Variants in EXOC6B observed in about 807,000 individuals in gnomAD.
EXOC6B encodes exocyst complex component 6B.
EXOC6B carries 54 observed loss-of-function variants against 113.5 expected under a neutral mutation model. The ratio of observed to expected loss-of-function variants is 0.48; its 90% CI spans 0.38 to 0.60. The LOEUF is 0.60. EXOC6B is among the 20% of genes least tolerant of loss of function. The pLI is 0.00. For missense variants in EXOC6B, 797 were observed against 977.5 expected (o/e 0.82, Z 2.46); for synonymous variants, 357 against 339.0 (o/e 1.05, Z -0.58).
chr2:72,582,188 A>C (rs935367771), intron 6 of EXOC6B, among the ~76,000 whole-genome samples: 13 of 152,232 alleles, frequency 8.5e-5, no homozygotes, highest in African/African-American at 2.2e-4. Flanking sequence ...GGCAAAAAAT[A>C]AAAATTTAAA....
At chr2:72,524,637 T>C (rs1445913332) in intron 8 of EXOC6B, among the ~76,000 whole-genome samples, 1 of 152,202 alleles carries the variant, frequency 6.6e-6, no homozygotes, top group African/African-American at 2.4e-5. Flanking sequence ...TGCAACTCAA[T>C]GAATAAATGC....
intron 11 of EXOC6B, among the ~76,000 whole-genome samples, chr2:72,512,202 T>G (rs1700940965): frequency 6.6e-6 from 1 of 152,074 alleles, no homozygotes. Context: ...TCTTGTTACA[T>G]GTTTATTGGA....
Position 72,368,326 on chromosome 2 carries a change from T to A in EXOC6B, c.2122+11403A>T, listed in dbSNP as rs187718555. Among the ~76,000 whole-genome samples, 31 of 152,238 alleles carry A rather than the reference T, an allele frequency of 2.0e-4. 1 individual carries two copies. Among genetic ancestry groups the A allele is most frequent in the Middle Eastern group, 3.4e-3 (1 of 294 alleles). On this transcript the variant is annotated intron_variant, in intron 19 of 21. Transcript: ENST00000272427. ...AAGACTAAACCAGGAAGAAGTTGAA[T>A]CTCTGAATAGACCAATAACAGGCTC...
chr2:72,221,621 T>C (rs1680873342), intron 20 of EXOC6B, among the ~76,000 whole-genome samples: 1 of 152,206 alleles, frequency 6.6e-6, no homozygotes, highest in African/African-American at 2.4e-5. Context: ...CCCTAAACTG[T>C]AAACTCCATG....
chr2:72,499,888 A>G lies in EXOC6B; in HGVS notation c.1239+13T>C. 1 of 1,532,754 alleles carries G rather than the reference A, an allele frequency of 6.5e-7. No individual in the cohort carries two copies. The highest frequency in any genetic ancestry group is 8.9e-7 in the Non-Finnish European group (1 of 1,129,266). The allele number at this position is 1,532,754 out of a possible 1,614,324, so 94.9% of individuals were successfully genotyped here. ...CCAATCTAGATGAGCATATGTAAACAGAAATCACATACCTGAAGTGTGTCA... is the reference window on the plus strand; with the variant it reads ...CCAATCTAGATGAGCATATGTAAACGGAAATCACATACCTGAAGTGTGTCA... On this transcript the variant is annotated intron_variant, in intron 12 of 21. Transcript: ENST00000272427.
intron 7 of EXOC6B, among the ~76,000 whole-genome samples, chr2:72,569,870 T>C (rs2103781162): frequency 6.6e-6 from 1 of 152,266 alleles, no homozygotes. Context: ...ATTTCATAGG[T>C]AAGAAAAGGG....
intron 11 of EXOC6B, 129 bp downstream of exon 11, chr2:72,513,003 T>C: frequency 9.0e-7 from 1 of 1,106,306 alleles, no homozygotes; most frequent in Non-Finnish European, 1.3e-6. Flanking sequence ...CTTCTATGTC[T>C]TTGAAGGACA....
At chr2:72,351,285 C>T (rs189829231) in intron 19 of EXOC6B, among the ~76,000 whole-genome samples, 12 of 152,262 alleles carry the variant, frequency 7.9e-5, no homozygotes, top group Admixed American at 1.3e-4. Flanking sequence ...TTTGTGGTCC[C>T]ATTATATGTT....
rs1400850889 is a variant in EXOC6B at position 72,178,631 on chromosome 2, A to G, written c.*704T>C. ...ACTCAACACTCCTAGAGCTGGGGCA[A>G]TATGCAGTTAAACATGGGATCCAAT... On this transcript the variant is annotated 3_prime_UTR_variant, in exon 22 of 22. Transcript: ENST00000272427. 6.6e-6 allele frequency: 1 copy of G among 152,232 alleles called. No homozygotes were observed. The highest frequency in any genetic ancestry group is 1.5e-5 in the Non-Finnish European group (1 of 68,044). 9.4% of individuals were successfully genotyped at this position (152,232 alleles called of 1,614,324 possible). A position where few individuals can be genotyped will look rare whatever the true frequency, so the allele number is the denominator to read the frequency against.
intron 21 of EXOC6B, among the ~76,000 whole-genome samples, chr2:72,180,854 A>G (rs1678035192): frequency 6.6e-6 from 1 of 152,166 alleles, no homozygotes; most frequent in Non-Finnish European, 1.5e-5. Context: ...ATATGGCAAA[A>G]AGGTTCTAAT....
intron 16 of EXOC6B, among the ~76,000 whole-genome samples, chr2:72,490,439 T>C (rs1236937446): frequency 6.6e-6 from 1 of 152,132 alleles, no homozygotes; most frequent in Non-Finnish European, 1.5e-5. Flanking sequence ...ATGATGATGA[T>C]TCCAGATGTG....
intron 1 of EXOC6B, among the ~76,000 whole-genome samples, chr2:72,749,569 A>T (rs1292561954): frequency 6.6e-6 from 1 of 152,068 alleles, no homozygotes; most frequent in African/African-American, 2.4e-5. Flanking sequence ...AAAAAATCAC[A>T]AAACTGCAAT....
chr2:72,595,377 A>G (rs1670014943), intron 6 of EXOC6B, among the ~76,000 whole-genome samples: 1 of 148,800 alleles, frequency 6.7e-6, no homozygotes, highest in Non-Finnish European at 1.5e-5. Flanking sequence ...CTAATAATAT[A>G]ATTTTAAAAA....
chr2:72,704,364 A>G (rs936082406), intron 6 of EXOC6B, among the ~76,000 whole-genome samples: 2 of 151,204 alleles, frequency 1.3e-5, no homozygotes, highest in East Asian at 3.9e-4. Flanking sequence ...AAATGCCCAC[A>G]AGAGGAAGCA....
intron 1 of EXOC6B, among the ~76,000 whole-genome samples, chr2:72,782,203 C>T (rs1684090504): frequency 6.6e-6 from 1 of 150,658 alleles, no homozygotes; most frequent in Non-Finnish European, 1.5e-5. Context: ...AACAACATCA[C>T]AAAGTATATT....
rs140784029 is a variant in EXOC6B, at chr2:72,424,699, T to C, written c.1980+40461A>G. On this transcript the variant is annotated intron_variant, in intron 18 of 21. Coordinates refer to ENST00000272427, the MANE Select transcript of EXOC6B (RefSeq NM_015189.3). ...AGTATGACGCTAATTGTAGCTCTAT[T>C]TGACTTCTTCAAGTTTATTAATATG... Among the ~76,000 whole-genome samples the C allele has an allele frequency of 2.9e-3, 436 of 152,356 alleles. 2 individuals carry two copies. The highest frequency in any genetic ancestry group is 6.8e-3 in the Middle Eastern group (2 of 294).
intron 18 of EXOC6B, among the ~76,000 whole-genome samples, chr2:72,426,266 G>T (rs1695191797): frequency 6.6e-6 from 1 of 151,996 alleles, no homozygotes; most frequent in Non-Finnish European, 1.5e-5. Flanking sequence ...CCTTACTTTA[G>T]TATCCTTTTA....
At chr2:72,639,576 G>A (rs554820676) in intron 6 of EXOC6B, among the ~76,000 whole-genome samples, 11 of 152,318 alleles carry the variant, frequency 7.2e-5, no homozygotes, top group African/African-American at 2.2e-4. Flanking sequence ...CACTGTCACT[G>A]CACTACCAAA....
intron 18 of EXOC6B, among the ~76,000 whole-genome samples, chr2:72,434,646 GTCCAGGAATTTA>G (rs1695745331): frequency 6.6e-6 from 1 of 152,152 alleles, no homozygotes; most frequent in South Asian, 2.1e-4. Context: ...GGTTGTATTT[GTCCAGGAATTTA>G]TCCGTTTCTT....
Sources: allele counts gnomAD v4.1 joint callset (sites outside exome capture counted in the v4.1 genomes callset), GRCh38; gene constraint gnomAD v4.1.1; transcripts MANE v1.5; gene names NCBI Gene and HGNC (gene_info 2026-07-23, HGNC 2026-07-21).